Variants in ACER3 observed in about 807,000 individuals in gnomAD.
ACER3 encodes the protein alkaline ceramidase 3.
In ACER3, 16 loss-of-function variants were observed where a neutral mutation model predicts 48.9. That is an observed-to-expected ratio of 0.33 (90% CI 0.22 to 0.50). The LOEUF (loss-of-function observed/expected upper bound fraction) is 0.50, where lower values mean the gene tolerates loss of function less well. ACER3 is among the 20% of genes least tolerant of loss of function. The probability of loss-of-function intolerance (pLI) is 0.98; values close to 1 mark genes in which losing one functional copy is unlikely to be tolerated. For missense variants in ACER3, 227 were observed against 326.0 expected (o/e 0.70, Z 2.34); for synonymous variants, 109 against 107.8 (o/e 1.01, Z -0.07).
intron 2 of ACER3, among the ~76,000 whole-genome samples, chr11:76,952,262 CTTT>C (rs1158955501): frequency 5.0e-5 from 7 of 139,130 alleles, no homozygotes; most frequent in Middle Eastern, 3.7e-3. Flanking sequence ...TTCTTTCTTT[CTTT>C]TTTTTTTTTT....
chr11:76,941,012 A>AACACACACACACAC (rs370121849), intron 2 of ACER3, among the ~76,000 whole-genome samples: 1 of 146,200 alleles, frequency 6.8e-6, no homozygotes, highest in Non-Finnish European at 1.5e-5. Flanking sequence ...TGTGTGTATA[A>AACACACACACACAC]ACACACACAC....
chr11:76,870,280 G>T, intron 1 of ACER3, among the ~76,000 whole-genome samples: 1 of 150,416 alleles, frequency 6.6e-6, no homozygotes, highest in East Asian at 2.0e-4. Flanking sequence ...GACCACAGAT[G>T]CATGCCACCA....
At chr11:76,971,641 G>C (rs547403820) in intron 3 of ACER3, among the ~76,000 whole-genome samples, 20 of 152,200 alleles carry the variant, frequency 1.3e-4, no homozygotes, top group South Asian at 8.3e-4. Flanking sequence ...AAACTCAAAC[G>C]GTCAGAAGAT....
At chr11:76,863,247 CAA>C (rs747043422) in intron 1 of ACER3, among the ~76,000 whole-genome samples, 6 of 152,108 alleles carry the variant, frequency 3.9e-5, no homozygotes, top group Non-Finnish European at 8.8e-5. Context: ...ATAAAAAATG[CAA>C]AGAGAGAAAA....
rs144129518 is a variant in ACER3, at chr11:77,019,871, A to T, written c.750+95A>T. The T allele has an allele frequency of 6.0e-3, 7,811 of 1,309,350 alleles. 40 individuals are homozygous for T. The highest frequency in any genetic ancestry group is 7.6e-3 in the Non-Finnish European group (6,954 of 910,728). 81.1% of individuals were successfully genotyped at this position (1,309,350 alleles called of 1,614,324 possible). On this transcript the variant is annotated intron_variant, in intron 10 of 10. Transcript: ENST00000532485. ...AGAAGAAAGGGGAGTTTGGAGAGGT[A>T]GTGGAGCAAACACAGGCTTTGGAAC...
At chr11:77,005,036 C>CTTTTTTTTTTTTTTTTTTTTTTTTTTT (rs57411582) in intron 7 of ACER3, among the ~76,000 whole-genome samples, 1 of 112,866 alleles carries the variant, frequency 8.9e-6, no homozygotes, top group Non-Finnish European at 1.9e-5. Flanking sequence ...TAAACTTTTT[C>CTTTTTTTTTTTTTTTTTTTTTTTTTTT]TTTTTTTTTT....
intron 7 of ACER3, among the ~76,000 whole-genome samples, chr11:77,008,771 C>T (rs1949204978): frequency 6.6e-6 from 1 of 152,102 alleles, no homozygotes; most frequent in Non-Finnish European, 1.5e-5. Flanking sequence ...ACATAAAATT[C>T]CAGGCTGGGC....
At chr11:76,962,004 A>T (rs1362469966) in intron 3 of ACER3, among the ~76,000 whole-genome samples, 1 of 150,404 alleles carries the variant, frequency 6.6e-6, no homozygotes, top group East Asian at 1.9e-4. Context: ...TGTTAATGGA[A>T]AAACTAAACC....
At chr11:76,889,639 T>C (rs1021344377) in intron 1 of ACER3, among the ~76,000 whole-genome samples, 2 of 152,210 alleles carry the variant, frequency 1.3e-5, no homozygotes, top group Non-Finnish European at 2.9e-5. Flanking sequence ...CTTGCACTTT[T>C]GTATGGTACT....
intron 1 of ACER3, among the ~76,000 whole-genome samples, chr11:76,883,199 CT>C (rs1305189424): frequency 3.9e-5 from 6 of 152,128 alleles, no homozygotes; most frequent in Admixed American, 2.6e-4. Context: ...CAGATAATCT[CT>C]TTTTGTATTA....
rs1565234243 is a variant in ACER3 at position 77,023,346 on chromosome 11, A to AT, written c.*3021dup. On this transcript the variant is annotated 3_prime_UTR_variant, in exon 11 of 11. Coordinates refer to ENST00000532485, the MANE Select transcript of ACER3 (RefSeq NM_018367.7). The stretch of plus-strand genomic sequence containing the variant: ...GGAGAAGAGGTGTGGTTCAAAGAAA[A>AT]TTAAGAGACAAAACCTTCAGGTACA... 1.0e-5 allele frequency: 4 copies of AT among 390,880 alleles called. No homozygotes were observed. The highest frequency in any genetic ancestry group is 1.4e-5 in the Non-Finnish European group (3 of 221,136). The allele number at this position is 390,880 out of a possible 1,614,324, so 24.2% of individuals were successfully genotyped here.
intron 7 of ACER3, among the ~76,000 whole-genome samples, chr11:77,005,991 ATTT>A (rs1228374444): frequency 0.026 from 2,661 of 100,604 alleles, 132 homozygotes; most frequent in African/African-American, 0.082. Flanking sequence ...ATATATATAT[ATTT>A]TTTTTTTTTT....
At chr11:76,934,881 A>G (rs1947133086) in intron 2 of ACER3, among the ~76,000 whole-genome samples, 1 of 152,224 alleles carries the variant, frequency 6.6e-6, no homozygotes, top group South Asian at 2.1e-4. Flanking sequence ...GGGTAAAAAC[A>G]GAAAATGAGA....
At chr11:76,927,499 G>A (rs1481884275) in intron 2 of ACER3, among the ~76,000 whole-genome samples, 2 of 151,880 alleles carry the variant, frequency 1.3e-5, no homozygotes, top group South Asian at 2.1e-4. Context: ...TAGGGTACAC[G>A]TGCACAACGT....
intron 1 of ACER3, among the ~76,000 whole-genome samples, chr11:76,908,306 CAT>C (rs1435546001): frequency 3.3e-5 from 5 of 152,120 alleles, no homozygotes; most frequent in East Asian, 3.8e-4. Context: ...ATTTAGAAAA[CAT>C]ATGATTGTAT....
intron 3 of ACER3, among the ~76,000 whole-genome samples, chr11:76,960,779 T>G (rs531971972): frequency 8.5e-5 from 13 of 152,092 alleles, no homozygotes; most frequent in Non-Finnish European, 1.8e-4. Flanking sequence ...CCAGGGACAG[T>G]GTATTAGAGA....
chr11:76,861,971 C>A (rs1347543229), intron 1 of ACER3, among the ~76,000 whole-genome samples: 1 of 152,172 alleles, frequency 6.6e-6, no homozygotes, highest in African/African-American at 2.4e-5. Flanking sequence ...TTTTCCTAGA[C>A]GATTTTTCCT....
chr11:76,926,106 G>A (rs1946823329), intron 1 of ACER3, among the ~76,000 whole-genome samples: 1 of 152,186 alleles, frequency 6.6e-6, no homozygotes, highest in East Asian at 1.9e-4. Flanking sequence ...AAATGTTAAA[G>A]AGACACACAA....
intron 1 of ACER3, among the ~76,000 whole-genome samples, chr11:76,888,047 T>C (rs1945715713): frequency 6.6e-6 from 1 of 151,982 alleles, no homozygotes; most frequent in Admixed American, 6.6e-5. Context: ...TGGCAGCTCC[T>C]GGACTCAAGT....
Sources: gnomAD v4.1 joint callset for allele counts (sites outside exome capture counted in the v4.1 genomes callset) on GRCh38, gnomAD v4.1.1 for gene constraint, MANE v1.5 for transcripts, NCBI Gene and HGNC (gene_info 2026-07-23, HGNC 2026-07-21) for gene names.